ARMC8: variants seen among roughly 807,000 people sequenced by gnomAD.
The protein encoded by ARMC8 is armadillo repeat-containing protein 8.
In ARMC8, 20 loss-of-function variants were observed where a neutral mutation model predicts 99.3. The observed-to-expected ratio is 0.20, with a 90% confidence interval of 0.14 to 0.29. The LOEUF is 0.29. Ranked by LOEUF, ARMC8 falls within the 10% of genes least tolerant of loss-of-function variation. The probability of loss-of-function intolerance (pLI) is 1.00; values close to 1 mark genes in which losing one functional copy is unlikely to be tolerated. For synonymous variants in ARMC8, 263 were observed against 278.3 expected (o/e 0.95, Z 0.55); for missense variants, 569 against 809.5 (o/e 0.70, Z 3.60).
chr3:138,243,947 G>A (rs765236496), intron 11 of ARMC8, among the ~76,000 whole-genome samples: 27 of 152,154 alleles, frequency 1.8e-4, no homozygotes, highest in Non-Finnish European at 3.2e-4. Flanking sequence ...AAGGCTTTTA[G>A]TTACGAGGTT....
chr3:138,217,303 T>C (rs1056243676), intron 2 of ARMC8, among the ~76,000 whole-genome samples: 6 of 152,192 alleles, frequency 3.9e-5, no homozygotes, highest in Non-Finnish European at 8.8e-5. Flanking sequence ...TTAGGTGATA[T>C]TAGGCTTTCA....
At position 138,245,071 on chromosome 3, in the gene ARMC8, C is replaced by G. The variant is rs1241173146; in HGVS notation, c.1039-17C>G. ...ATTTATGGACTGAGTTGGAACATAT[C>G]CTTTTTTTCCCCATAGCTTGATCAT... On this transcript the variant is annotated splice_polypyrimidine_tract_variant and intron_variant, in intron 11 of 21. Transcript: ENST00000469044. The G allele has an allele frequency of 6.2e-7, 1 of 1,612,766 alleles. No individual in the cohort carries two copies. The highest frequency in any genetic ancestry group is 1.3e-5 in the African/African-American group (1 of 74,854).
At chr3:138,229,042 T>C in intron 6 of ARMC8, 32 bp downstream of exon 6, 2 of 1,508,848 alleles carry the variant, frequency 1.3e-6, no homozygotes, top group Non-Finnish European at 1.8e-6. Flanking sequence ...ATCTATAATG[T>C]AAAATCTTAT....
intron 5 of ARMC8, chr3:138,228,570 A>G (rs184919010): frequency 2.9e-4 from 112 of 381,658 alleles, no homozygotes; most frequent in Admixed American, 6.9e-4. Flanking sequence ...ACTATTTACT[A>G]GTGCATAACG....
At chr3:138,292,128 C>A (rs571686172) in intron 21 of ARMC8, among the ~76,000 whole-genome samples, 1 of 152,258 alleles carries the variant, frequency 6.6e-6, no homozygotes, top group East Asian at 1.9e-4. Flanking sequence ...ACCTCTGCCT[C>A]CTGAGTTCAA....
At chr3:138,224,695 A>T (rs2045591455) in intron 5 of ARMC8, among the ~76,000 whole-genome samples, 2 of 152,192 alleles carry the variant, frequency 1.3e-5, no homozygotes, top group African/African-American at 4.8e-5. Context: ...CGTTGCAGTG[A>T]TCTGAGATCA....
At chr3:138,267,071 G>T in intron 14 of ARMC8, 84 bp from the exon 15 acceptor site, 1 of 754,022 alleles carries the variant, frequency 1.3e-6, no homozygotes, top group Non-Finnish European at 2.1e-6. Flanking sequence ...AATTGTTCTT[G>T]TTTTTATTTA....
rs1352964257 is a variant in ARMC8, at chr3:138,237,544, A to G, written c.748A>G (p.Ile250Val). 3.1e-6 allele frequency: 5 copies of G among 1,613,296 alleles called. No homozygotes were observed. The African/African-American group carries it at 5.3e-5, about 17-fold the overall frequency. The change falls in exon 9 of 22, where the codon ATT becomes GTT. Residue 250 changes from isoleucine (I) to valine (V), a missense_variant. This residue lies in a region of ARMC8 where 342 missense variants were observed against 391.6 expected (regional missense o/e 0.87). Coordinates refer to ENST00000469044, the MANE Select transcript of ARMC8 (RefSeq NM_001363941.2). ...GAAGATGTTACAGAGGGATAAGCCT[A>G]TTGAGATGCAGCTCACATCAGCAAA... ...FVKMLQRDKPIEMQLTSAKCL... is the reference protein window; with the variant it reads ...FVKMLQRDKPVEMQLTSAKCL...
intron 5 of ARMC8, among the ~76,000 whole-genome samples, chr3:138,224,737 A>AGACTGTC (rs944461844): frequency 1.3e-5 from 2 of 152,206 alleles, no homozygotes; most frequent in African/African-American, 4.8e-5. Flanking sequence ...GCGACAGGGC[A>AGACTGTC]GACTGTCTGC....
intron 9 of ARMC8, chr3:138,238,069 T>C (rs1483041938): frequency 6.7e-6 from 1 of 148,260 alleles, no homozygotes; most frequent in Admixed American, 6.7e-5. Flanking sequence ...ATGCAAAGGT[T>C]TTTTTTTTTT....
chr3:138,270,122 G>A lies in ARMC8; in HGVS notation c.1469G>A (p.Trp490Ter). 6.2e-7 allele frequency: 1 copy of A among 1,608,074 alleles called. No individual in the cohort carries two copies. Among genetic ancestry groups the A allele is most frequent in the Non-Finnish European group, 8.5e-7 (1 of 1,174,828 alleles). The change falls in exon 16 of 22, where the codon TGG (tryptophan) becomes TAG (stop). Residue 490 changes from tryptophan to a stop codon, truncating the protein, a stop_gained. Transcript: ENST00000469044. LOFTEE classifies it high-confidence loss of function. ...ENPALRVNGIWALMNMAFQAE... is the reference protein window; with the variant it reads ...ENPALRVNGI ...CCTGCTTTACGAGTGAATGGAATTT[G>A]GGCTTTAATGGTACGTTTCACTTTT...
intron 2 of ARMC8, among the ~76,000 whole-genome samples, chr3:138,213,349 G>T (rs2044815206): frequency 1.3e-5 from 2 of 152,190 alleles, no homozygotes; most frequent in Non-Finnish European, 2.9e-5. Context: ...ATTTTCAATT[G>T]TTGAAGAATG....
chr3:138,246,204 A>C, intron 12 of ARMC8: 1 of 985,802 alleles, frequency 1.0e-6, no homozygotes, highest in Non-Finnish European at 1.2e-6. Context: ...TAGCAATAAG[A>C]TTTGATGTGT....
In ARMC8 at chr3:138,228,909, C is replaced by T. The variant is rs773578706; in HGVS notation, c.436-9C>T. On this transcript the variant is annotated splice_polypyrimidine_tract_variant and intron_variant, in intron 5 of 21. Coordinates refer to ENST00000469044, the MANE Select transcript of ARMC8 (RefSeq NM_001363941.2). ...CTGAGTTTCTTGTTGCTGTGTTCTC[C>T]TTCCCTAGGATGCCACAGTGATACC... 2 of 1,592,974 alleles carry T rather than the reference C, an allele frequency of 1.3e-6. No homozygotes were observed. The highest frequency in any genetic ancestry group is 1.1e-5 in the South Asian group (1 of 90,602).
chr3:138,245,047 T>C, intron 11 of ARMC8, 41 bp from the exon 12 acceptor site: 1 of 1,585,936 alleles, frequency 6.3e-7, no homozygotes, highest in Admixed American at 1.7e-5. Flanking sequence ...GAAAGTTGAA[T>C]TTATGGACTG....
At chr3:138,235,142 T>G in intron 7 of ARMC8, 28 bp downstream of exon 7, 1 of 1,468,032 alleles carries the variant, frequency 6.8e-7, no homozygotes, top group Non-Finnish European at 9.5e-7. Context: ...GTGGCCAGAT[T>G]TGTATACCTT....
intron 18 of ARMC8, among the ~76,000 whole-genome samples, chr3:138,281,050 A>G (rs147825046): frequency 6.0e-4 from 91 of 152,314 alleles, no homozygotes; most frequent in Non-Finnish European, 9.4e-4. Flanking sequence ...AAGCAACTAT[A>G]GACAATACAT....
intron 12 of ARMC8, among the ~76,000 whole-genome samples, chr3:138,251,569 A>T (rs551490430): frequency 3.9e-5 from 6 of 152,340 alleles, no homozygotes; most frequent in African/African-American, 1.4e-4. Flanking sequence ...AATCCACCAA[A>T]GAATTTTATG....
chr3:138,273,923 T>A (rs2049020669), intron 17 of ARMC8, among the ~76,000 whole-genome samples: 1 of 152,022 alleles, frequency 6.6e-6, no homozygotes, highest in Non-Finnish European at 1.5e-5. Context: ...TTCAAGTGAT[T>A]CTTCTTTCTC....
Sources: gnomAD v4.1 joint callset for allele counts (sites outside exome capture counted in the v4.1 genomes callset) on GRCh38, gnomAD v4.1.1 for gene constraint, gnomAD v4.1.1 regional missense constraint, MANE v1.5 for transcripts, NCBI Gene and HGNC (gene_info 2026-07-23, HGNC 2026-07-21) for gene names.